Variants in PTPRD observed in about 807,000 individuals in gnomAD.
The protein encoded by PTPRD is protein tyrosine phosphatase receptor type D.
PTPRD carries 34 observed loss-of-function variants against 214.5 expected under a neutral mutation model. The observed-to-expected ratio is 0.16, with a 90% confidence interval of 0.12 to 0.21. The LOEUF is 0.21. Among genes scored for constraint, PTPRD ranks in the 10% least tolerant of loss-of-function variants. PTPRD has a pLI of 1.00. For synonymous variants in PTPRD, 1,128 were observed against 845.7 expected, an observed-to-expected ratio of 1.33 and a Z score of -5.79; for missense variants, 2,545 against 2,398.7, an observed-to-expected ratio of 1.06 and a Z score of -1.27.
chr9:9,761,116 T>C (rs1272845464), intron 6 of PTPRD, among the ~76,000 whole-genome samples: 2 of 152,174 alleles, frequency 1.3e-5, no homozygotes, highest in Non-Finnish European at 2.9e-5. Flanking sequence ...TATACATTAG[T>C]GTAACAGACA....
intron 7 of PTPRD, among the ~76,000 whole-genome samples, chr9:9,652,095 C>T (rs997788847): frequency 1.3e-5 from 2 of 152,098 alleles, no homozygotes; most frequent in Admixed American, 6.5e-5. Context: ...CCTGCCTTGG[C>T]CTCCCAAAGC....
Position 8,813,091 on chromosome 9 carries a change from T to C in PTPRD, c.-103-79145A>G, listed in dbSNP as rs78685290. On this transcript the variant is annotated intron_variant, in intron 11 of 45. Coordinates refer to ENST00000381196, the MANE Select transcript of PTPRD (RefSeq NM_002839.4). ...GAAGGTCATGCCTGGCAGGGCGCTA[T>C]CGGTGGAAAAGTGTCAGCTTTAGAG... Among the ~76,000 whole-genome samples the C allele has an allele frequency of 1.7e-3, 265 of 152,276 alleles. 1 individual carries two copies. Among genetic ancestry groups the C allele is most frequent in the African/African-American group, 6.1e-3 (255 of 41,554 alleles).
At chr9:10,577,278 G>A (rs1454760477) in intron 2 of PTPRD, among the ~76,000 whole-genome samples, 1 of 152,086 alleles carries the variant, frequency 6.6e-6, no homozygotes, top group Non-Finnish European at 1.5e-5. Context: ...CTTTTCTTTA[G>A]TCAGTGGAAC....
At chr9:8,479,077 C>T (rs1250989498) in intron 30 of PTPRD, among the ~76,000 whole-genome samples, 2 of 152,136 alleles carry the variant, frequency 1.3e-5, no homozygotes, top group African/African-American at 4.8e-5. Flanking sequence ...TAATAGAATA[C>T]TGAATAAAAA....
At chr9:9,019,336 GAACGAAA>G (rs2099553077) in intron 10 of PTPRD, among the ~76,000 whole-genome samples, 2 of 18,802 alleles carry the variant, frequency 1.1e-4, no homozygotes, top group Non-Finnish European at 3.2e-4. Context: ...AAGAAAGAAA[GAACGAAA>G]GAAAGAAAGA....
At chr9:8,824,644 G>C (rs2097140760) in intron 11 of PTPRD, among the ~76,000 whole-genome samples, 1 of 152,030 alleles carries the variant, frequency 6.6e-6, no homozygotes, top group African/African-American at 2.4e-5. Flanking sequence ...TTATGAACTG[G>C]GCAACTGTTG....
chr9:9,858,446 A>T (rs10816214), intron 5 of PTPRD, among the ~76,000 whole-genome samples: 16,073 of 152,230 alleles, frequency 0.11, 2,217 homozygotes, highest in East Asian at 0.71. Context: ...AATATTTGGG[A>T]TAGCATTTAA....
At chr9:10,594,386 G>A (rs1313100177) in intron 2 of PTPRD, among the ~76,000 whole-genome samples, 1 of 151,864 alleles carries the variant, frequency 6.6e-6, no homozygotes, top group Non-Finnish European at 1.5e-5. Flanking sequence ...AAAAGATAAA[G>A]CACCTATGAA....
chr9:9,137,863 T>C (rs1336421688), intron 10 of PTPRD, among the ~76,000 whole-genome samples: 1 of 152,094 alleles, frequency 6.6e-6, no homozygotes, highest in Non-Finnish European at 1.5e-5. Context: ...CAGACCCAAT[T>C]CAGGTCTAAA....
intron 10 of PTPRD, among the ~76,000 whole-genome samples, chr9:9,118,057 G>A (rs1055826243): frequency 1.3e-5 from 2 of 152,170 alleles, no homozygotes; most frequent in African/African-American, 2.4e-5. Context: ...TAAACTCCCT[G>A]GCTTCAGGCC....
In PTPRD at chr9:8,934,135, G is replaced by A. The variant is rs185183063; in HGVS notation, c.-104+84562C>T. 9.2e-5 allele frequency among the ~76,000 whole-genome samples: 14 copies of A among 151,742 alleles called. No homozygotes were observed. The East Asian group carries it at 1.2e-3, about 13-fold the overall frequency. On this transcript the variant is annotated intron_variant, in intron 11 of 45. Transcript: ENST00000381196. ...TGGCTAATGCTGAACTGATAAGAGAGAAAGAGAGAATTGGTAACAAATAAA... is the reference window on the plus strand; with the variant it reads ...TGGCTAATGCTGAACTGATAAGAGAAAAAGAGAGAATTGGTAACAAATAAA...
intron 4 of PTPRD, among the ~76,000 whole-genome samples, chr9:9,941,803 C>G (rs986578854): frequency 1.3e-5 from 2 of 152,084 alleles, no homozygotes; most frequent in African/African-American, 2.4e-5. Context: ...CTCTGGGAAG[C>G]CTTGCTGGAA....
At chr9:9,910,031 T>C (rs1212204169) in intron 5 of PTPRD, among the ~76,000 whole-genome samples, 1 of 151,978 alleles carries the variant, frequency 6.6e-6, no homozygotes, top group East Asian at 1.9e-4. Flanking sequence ...ATATGGTCTC[T>C]GGAGCCATAA....
At chr9:9,018,404 C>T (rs994378713) in intron 11 of PTPRD, among the ~76,000 whole-genome samples, 50 of 152,108 alleles carry the variant, frequency 3.3e-4, no homozygotes, top group African/African-American at 1.2e-3. Flanking sequence ...TGTGTATTTG[C>T]TCTTCCACAT....
chr9:9,275,176 T>C (rs1434568580), intron 9 of PTPRD, among the ~76,000 whole-genome samples: 1 of 25,144 alleles, frequency 4.0e-5, no homozygotes, highest in East Asian at 8.4e-4. Context: ...ATATATATAA[T>C]ATATATGTTA....
chr9:9,452,354 C>A (rs898052999), intron 8 of PTPRD, among the ~76,000 whole-genome samples: 1 of 151,306 alleles, frequency 6.6e-6, no homozygotes, highest in African/African-American at 2.4e-5. Flanking sequence ...AGTTTACTAC[C>A]AATCATTTCT....
At position 8,632,127 on chromosome 9, in the gene PTPRD, GTGTGTGTGTGTGTGTGTGTGTC is replaced by G. The variant is rs1302517555; in HGVS notation, c.352+1168_352+1189del. Among the ~76,000 whole-genome samples the G allele has an allele frequency of 1.3e-3, 184 of 145,678 alleles. 1 individual carries two copies. Among genetic ancestry groups the G allele is most frequent in the African/African-American group, 4.6e-3 (178 of 38,464 alleles). ...AGCCTCTTGAATTGCTTCTTTGTGT[GTGTGTGTGTGTGTGTGTGTGTC>G]TGTGTGTGTGTGTGTTTAGTTTCAA... is the stretch of plus-strand genomic sequence containing the variant. On this transcript the variant is annotated intron_variant, in intron 14 of 45. Transcript: ENST00000381196.
intron 4 of PTPRD, among the ~76,000 whole-genome samples, chr9:9,960,359 A>G (rs1220311842): frequency 6.6e-6 from 1 of 152,140 alleles, no homozygotes; most frequent in Non-Finnish European, 1.5e-5. Flanking sequence ...ATAATTCTAA[A>G]TAATGTATGT....
chr9:8,937,853 T>C (rs2099007895), intron 11 of PTPRD, among the ~76,000 whole-genome samples: 1 of 152,200 alleles, frequency 6.6e-6, no homozygotes, highest in Middle Eastern at 3.2e-3. Flanking sequence ...TGTTAACTGA[T>C]TCCCTGATTC....
Sources: gnomAD v4.1 joint callset for allele counts (sites outside exome capture counted in the v4.1 genomes callset) on GRCh38, gnomAD v4.1.1 for gene constraint, MANE v1.5 for transcripts, NCBI Gene and HGNC (gene_info 2026-07-23, HGNC 2026-07-21) for gene names.